CAMK1D: variants seen among roughly 807,000 people sequenced by gnomAD.
The protein encoded by CAMK1D is calcium/calmodulin dependent protein kinase ID.
A neutral mutation model predicts 47.7 loss-of-function variants in CAMK1D; 9 were observed. That is an observed-to-expected ratio of 0.19 (90% confidence interval 0.11 to 0.33). CAMK1D has a LOEUF of 0.33. Among genes scored for constraint, CAMK1D ranks in the 10% least tolerant of loss-of-function variants. The pLI, the probability that CAMK1D is intolerant of heterozygous loss-of-function variation, is 1.00. For synonymous variants in CAMK1D, 184 were observed against 184.9 expected (o/e 0.99, Z 0.04); for missense variants, 291 against 488.7 (o/e 0.60, Z 3.81).
chr10:12,363,193 G>T (rs1004759433), intron 1 of CAMK1D, among the ~76,000 whole-genome samples: 2 of 151,588 alleles, frequency 1.3e-5, no homozygotes, highest in Admixed American at 1.3e-4. Context: ...CGCCCGCCTC[G>T]GCCTCCCAAA....
In CAMK1D at chr10:12,828,877, G is replaced by T; in HGVS notation, c.1148G>T (p.Gly383Val). 1 of 1,611,152 alleles carries T rather than the reference G, an allele frequency of 6.2e-7. No homozygotes were observed. Among genetic ancestry groups the T allele is most frequent in the South Asian group, 1.1e-5 (1 of 90,770 alleles). ...RPTTVTAVHS[G>V]SK ...ACCACTGTGACGGCAGTGCACTCTG[G>T]AAGCAAGTGACTGGCCCTGGAGGTG... The change falls in exon 11 of 11, where the codon GGA (glycine) becomes GTA (valine). Residue 383 changes from glycine (G) to valine (V), a missense_variant. Coordinates refer to ENST00000619168, the MANE Select transcript of CAMK1D (RefSeq NM_153498.4).
intron 2 of CAMK1D, among the ~76,000 whole-genome samples, chr10:12,616,672 T>A (rs148655942): frequency 6.6e-6 from 1 of 152,114 alleles, no homozygotes; most frequent in Non-Finnish European, 1.5e-5. Context: ...CGCCCGCCAC[T>A]AAGCCCGGCT....
intron 3 of CAMK1D, among the ~76,000 whole-genome samples, chr10:12,747,167 G>T (rs749100538): frequency 1.3e-5 from 2 of 152,154 alleles, no homozygotes; most frequent in Non-Finnish European, 2.9e-5. Flanking sequence ...GAGTAGCTGG[G>T]ACTACAGGCG....
At chr10:12,634,417 C>CT (rs974010050) in intron 2 of CAMK1D, among the ~76,000 whole-genome samples, 1 of 152,208 alleles carries the variant, frequency 6.6e-6, no homozygotes, top group Non-Finnish European at 1.5e-5. Context: ...AGCCATCCTC[C>CT]TGCCTCTGCC....
chr10:12,781,703 G>A (rs565221399), intron 5 of CAMK1D, among the ~76,000 whole-genome samples: 3 of 150,060 alleles, frequency 2.0e-5, no homozygotes, highest in South Asian at 4.2e-4. Flanking sequence ...CCAGGCTGGC[G>A]TGCAGTAGCA....
chr10:12,792,563 C>G (rs906859822), intron 6 of CAMK1D, among the ~76,000 whole-genome samples: 5 of 152,196 alleles, frequency 3.3e-5, no homozygotes, highest in Non-Finnish European at 7.3e-5. Context: ...CTCTTCTCCT[C>G]CAGGAATGCT....
rs1307843072 is a variant in CAMK1D, at chr10:12,749,526, TG to T, written c.300-11421del. 1.6e-3 allele frequency among the ~76,000 whole-genome samples: 203 copies of T among 124,518 alleles called. 3 individuals carry two copies. Among genetic ancestry groups the T allele is most frequent in the African/African-American group, 7.9e-3 (197 of 24,792 alleles). The allele number at this position is 124,518 out of a possible 152,430, so 81.7% of individuals were successfully genotyped here. ...GACTGGAACACATAGAAAGTGTGGA[TG>T]TTTGTTTGTTTGTTTGTTTGTTTTT... On this transcript the variant is annotated intron_variant, in intron 3 of 10. Coordinates refer to ENST00000619168, the MANE Select transcript of CAMK1D (RefSeq NM_153498.4).
intron 3 of CAMK1D, among the ~76,000 whole-genome samples, chr10:12,696,170 A>G (rs1050151986): frequency 2.0e-5 from 3 of 152,182 alleles, no homozygotes; most frequent in African/African-American, 7.2e-5. Flanking sequence ...GTAAGTAGAC[A>G]TATGAGCCTA....
At chr10:12,555,861 G>A (rs1330992490) in intron 2 of CAMK1D, among the ~76,000 whole-genome samples, 3 of 152,206 alleles carry the variant, frequency 2.0e-5, no homozygotes, top group Non-Finnish European at 4.4e-5. Flanking sequence ...TCATTTGCAT[G>A]AGCAGAGGCC....
chr10:12,765,637 T>C (rs1263568688), intron 4 of CAMK1D, among the ~76,000 whole-genome samples: 1 of 152,164 alleles, frequency 6.6e-6, no homozygotes, highest in Non-Finnish European at 1.5e-5. Context: ...TTGTCTGGGG[T>C]GATACCCGAG....
chr10:12,736,393 A>C (rs1835189781), intron 3 of CAMK1D, among the ~76,000 whole-genome samples: 1 of 152,178 alleles, frequency 6.6e-6, no homozygotes, highest in Non-Finnish European at 1.5e-5. Flanking sequence ...AAGCATCGTA[A>C]TTGTGTTCAG....
intron 2 of CAMK1D, among the ~76,000 whole-genome samples, chr10:12,584,822 G>A (rs532665797): frequency 3.9e-4 from 59 of 152,040 alleles, no homozygotes; most frequent in Non-Finnish European, 7.2e-4. Context: ...CTTGTCCAAA[G>A]AAAAAAGAAA....
chr10:12,762,679 T>C (rs562263576), intron 4 of CAMK1D, among the ~76,000 whole-genome samples: 82 of 152,280 alleles, frequency 5.4e-4, no homozygotes, highest in Non-Finnish European at 8.7e-4. Flanking sequence ...GCGAGGATAT[T>C]TGGGAATCTT....
intron 1 of CAMK1D, among the ~76,000 whole-genome samples, chr10:12,354,269 A>G (rs1837434412): frequency 6.6e-6 from 1 of 151,990 alleles, no homozygotes. Context: ...AGGATTTGAG[A>G]CTGGGTTTTA....
intron 5 of CAMK1D, among the ~76,000 whole-genome samples, chr10:12,782,099 AG>A (rs1158947606): frequency 1.3e-5 from 2 of 151,726 alleles, no homozygotes; most frequent in Non-Finnish European, 1.5e-5. Flanking sequence ...AAAAGATCAG[AG>A]CTGTCCCAAA....
intron 2 of CAMK1D, among the ~76,000 whole-genome samples, chr10:12,643,468 C>T (rs1444289774): frequency 6.6e-6 from 1 of 152,176 alleles, no homozygotes; most frequent in Non-Finnish European, 1.5e-5. Flanking sequence ...TGCTCCCCAT[C>T]CATCACCCGC....
chr10:12,816,872 C>CAAAAAA (rs71386122), intron 8 of CAMK1D, among the ~76,000 whole-genome samples: 2 of 57,430 alleles, frequency 3.5e-5, no homozygotes, highest in Admixed American at 2.0e-4. Context: ...AACTCTGTCT[C>CAAAAAA]AAAAAAAAAA....
chr10:12,562,273 G>A (rs112864044), intron 2 of CAMK1D, among the ~76,000 whole-genome samples: 47 of 152,228 alleles, frequency 3.1e-4, no homozygotes, highest in African/African-American at 1.1e-3. Flanking sequence ...TCTTGTTAGA[G>A]CTAACCTAGT....
chr10:12,673,903 C>T (rs2132580547), intron 3 of CAMK1D, among the ~76,000 whole-genome samples: 1 of 152,188 alleles, frequency 6.6e-6, no homozygotes, highest in Non-Finnish European at 1.5e-5. Context: ...TGGCAAGGCT[C>T]AGTGGTTTAC....
Sources: allele counts gnomAD v4.1 joint callset (sites outside exome capture counted in the v4.1 genomes callset), GRCh38; gene constraint gnomAD v4.1.1; transcripts MANE v1.5; gene names NCBI Gene and HGNC (gene_info 2026-07-23, HGNC 2026-07-21).